Variants in CNTNAP2 observed in about 807,000 individuals in gnomAD.
The protein encoded by CNTNAP2 is contactin-associated protein-like 2.
CNTNAP2 carries 98 observed loss-of-function variants against 155.2 expected under a neutral mutation model. The observed-to-expected ratio is 0.63, with a 90% CI of 0.54 to 0.75. The LOEUF is 0.75. Among genes scored for constraint, CNTNAP2 ranks in the 30% least tolerant of loss-of-function variants. The probability of loss-of-function intolerance (pLI) is 0.00; values close to 1 mark genes in which losing one functional copy is unlikely to be tolerated. For missense variants in CNTNAP2, 1,727 were observed against 1,688.1 expected, an observed-to-expected ratio of 1.02 and a Z score of -0.40; for synonymous variants, 651 against 631.2, an observed-to-expected ratio of 1.03 and a Z score of -0.47.
intron 3 of CNTNAP2, among the ~76,000 whole-genome samples, chr7:146,895,810 G>T (rs1176791096): frequency 6.6e-6 from 1 of 152,044 alleles, no homozygotes; most frequent in Non-Finnish European, 1.5e-5. Flanking sequence ...TTGTCTCAAA[G>T]TACCTGAATA....
At chr7:147,842,228 A>G (rs182017381) in intron 13 of CNTNAP2, among the ~76,000 whole-genome samples, 34 of 152,368 alleles carry the variant, frequency 2.2e-4, no homozygotes, top group Non-Finnish European at 3.4e-4. Flanking sequence ...ATAGGTAGTA[A>G]GTAACAACTG....
Position 146,826,836 on chromosome 7 carries a change from GTATATATA to G in CNTNAP2, c.209-12860_209-12853del, listed in dbSNP as rs376484843. Among the ~76,000 whole-genome samples the G allele has an allele frequency of 1.4e-4, 20 of 144,152 alleles. No homozygotes were observed. In the East Asian group the frequency reaches 4.0e-3, roughly 29 times the overall value. 94.6% of individuals were successfully genotyped at this position (144,152 alleles called of 152,430 possible). On this transcript the variant is annotated intron_variant, in intron 2 of 23. Coordinates refer to ENST00000361727, the MANE Select transcript of CNTNAP2 (RefSeq NM_014141.6). ...AATTTTTAAGAATGAATGAATATAT[GTATATATA>G]TATATATATATATAGAGAGAGAGAG...
Position 148,376,119 on chromosome 7 carries a change from A to G in CNTNAP2, c.3476-7530A>G. Reference sequence around the variant, plus strand: ...AATGTAATACTTCATCTTTTTGCAAAATAGTGCAGTGGGCTCTATGAAGAC... The same window carrying G: ...AATGTAATACTTCATCTTTTTGCAAGATAGTGCAGTGGGCTCTATGAAGAC... On this transcript the variant is annotated intron_variant, in intron 21 of 23. Transcript: ENST00000361727. Among the ~76,000 whole-genome samples, 2 of 67,076 alleles carry G rather than the reference A, an allele frequency of 3.0e-5. 1 individual carries two copies. 44.0% of individuals were successfully genotyped at this position (67,076 alleles called of 152,430 possible).
intron 8 of CNTNAP2, among the ~76,000 whole-genome samples, chr7:147,244,194 A>C (rs1293224683): frequency 6.6e-6 from 1 of 152,148 alleles, no homozygotes; most frequent in Non-Finnish European, 1.5e-5. Context: ...CAAATATACA[A>C]AGTTATCTGA....
intron 6 of CNTNAP2, among the ~76,000 whole-genome samples, chr7:147,124,876 CTTTTTTTTTTTT>C (rs371912854): frequency 1.2e-5 from 1 of 80,070 alleles, no homozygotes; most frequent in Admixed American, 1.7e-4. Context: ...CCTTTTTTTC[CTTTTTTTTTTTT>C]TTTTTTTTTT....
In CNTNAP2 at chr7:148,337,430, C is replaced by A. The variant is rs115313228; in HGVS notation, c.3476-46219C>A. ...ACAATCACCCAGGAAGCTCCTTCACCGTCAGATTCCCTGACAGCCCTGGAT... is the reference window on the plus strand; with the variant it reads ...ACAATCACCCAGGAAGCTCCTTCACAGTCAGATTCCCTGACAGCCCTGGAT... On this transcript the variant is annotated intron_variant, in intron 21 of 23. Coordinates refer to ENST00000361727, the MANE Select transcript of CNTNAP2 (RefSeq NM_014141.6). Among the ~76,000 whole-genome samples the A allele has an allele frequency of 6.8e-3, 1,029 of 152,310 alleles. 9 individuals carry two copies. Among genetic ancestry groups the A allele is most frequent in the African/African-American group, 0.023 (968 of 41,556 alleles).
intron 13 of CNTNAP2, among the ~76,000 whole-genome samples, chr7:147,810,510 C>A (rs1798162356): frequency 6.6e-6 from 1 of 152,028 alleles, no homozygotes; most frequent in Admixed American, 6.5e-5. Context: ...TCTTTCCTGC[C>A]ATGGAAAAAT....
At chr7:147,089,087 G>T (rs188350395) in intron 4 of CNTNAP2, among the ~76,000 whole-genome samples, 19 of 152,284 alleles carry the variant, frequency 1.2e-4, no homozygotes, top group Non-Finnish European at 2.9e-5. Flanking sequence ...CTGGCTGTCC[G>T]CCCAAGATGG....
chr7:146,530,030 G>C (rs1797746304), intron 1 of CNTNAP2, among the ~76,000 whole-genome samples: 1 of 151,936 alleles, frequency 6.6e-6, no homozygotes, highest in Non-Finnish European at 1.5e-5. Context: ...TGCAAAAGGG[G>C]AAATTCCTCT....
intron 13 of CNTNAP2, 26 bp downstream of exon 13, chr7:147,639,332 T>G: frequency 6.2e-7 from 1 of 1,605,026 alleles, no homozygotes; most frequent in Non-Finnish European, 8.5e-7. Flanking sequence ...AATGTTACTT[T>G]TAATCACTAT....
At chr7:146,124,465 C>T (rs980722362) in intron 1 of CNTNAP2, among the ~76,000 whole-genome samples, 1 of 151,912 alleles carries the variant, frequency 6.6e-6, no homozygotes, top group African/African-American at 2.4e-5. Flanking sequence ...ATAAACAGAA[C>T]TACATGAAAA....
chr7:147,879,346 GAGCAAA>G (rs956616634), intron 13 of CNTNAP2, among the ~76,000 whole-genome samples: 2 of 152,142 alleles, frequency 1.3e-5, no homozygotes, highest in African/African-American at 4.8e-5. Flanking sequence ...CTCTTTCCAG[GAGCAAA>G]ATGAAGTTGT....
intron 1 of CNTNAP2, among the ~76,000 whole-genome samples, chr7:146,427,358 C>T (rs768143672): frequency 1.4e-4 from 21 of 152,102 alleles, no homozygotes; most frequent in Non-Finnish European, 2.9e-4. Context: ...AACTCAATAC[C>T]GCCATTGTAG....
intron 3 of CNTNAP2, among the ~76,000 whole-genome samples, chr7:146,908,186 C>A (rs565095644): frequency 2.0e-5 from 3 of 152,128 alleles, no homozygotes; most frequent in African/African-American, 7.2e-5. Context: ...ACTTAGACTC[C>A]CAAACATTAA....
At chr7:147,620,430 T>C (rs1318354185) in intron 12 of CNTNAP2, among the ~76,000 whole-genome samples, 1 of 151,778 alleles carries the variant, frequency 6.6e-6, no homozygotes, top group Admixed American at 6.6e-5. Flanking sequence ...AAATTTAAGA[T>C]AAAGCGGAGA....
chr7:146,799,515 TG>T (rs1224175623), intron 2 of CNTNAP2, among the ~76,000 whole-genome samples: 1 of 152,362 alleles, frequency 6.6e-6, no homozygotes, highest in Non-Finnish European at 1.5e-5. Context: ...ATTATTGTTT[TG>T]TTTTATATAT....
At chr7:147,293,389 A>G (rs1805354750) in intron 8 of CNTNAP2, among the ~76,000 whole-genome samples, 1 of 152,218 alleles carries the variant, frequency 6.6e-6, no homozygotes, top group Non-Finnish European at 1.5e-5. Context: ...GAATTTTTAT[A>G]GATAAGAAAT....
At chr7:147,582,696 T>G (rs1447290350) in intron 12 of CNTNAP2, among the ~76,000 whole-genome samples, 2 of 152,256 alleles carry the variant, frequency 1.3e-5, no homozygotes, top group South Asian at 2.1e-4. Context: ...ATTTTATTAT[T>G]TCTAGCTTAT....
At chr7:147,105,276 T>A (rs1446718522) in intron 4 of CNTNAP2, among the ~76,000 whole-genome samples, 1 of 151,968 alleles carries the variant, frequency 6.6e-6, no homozygotes, top group Non-Finnish European at 1.5e-5. Flanking sequence ...TTTGATGAAT[T>A]GGGCATATTA....
Sources: allele counts gnomAD v4.1 joint callset (sites outside exome capture counted in the v4.1 genomes callset), GRCh38; gene constraint gnomAD v4.1.1; transcripts MANE v1.5; gene names NCBI Gene and HGNC (gene_info 2026-07-23, HGNC 2026-07-21).